DLG2: variants seen among roughly 807,000 people sequenced by gnomAD.
DLG2 encodes the protein discs large MAGUK scaffold protein 2.
A neutral mutation model predicts 132.5 loss-of-function variants in DLG2; 45 were observed. That is an observed-to-expected ratio of 0.34 (90% CI 0.27 to 0.44). DLG2 has a LOEUF of 0.44. DLG2 is among the 20% of genes least tolerant of loss of function. The pLI is 1.00. For synonymous variants in DLG2, 424 were observed against 419.6 expected, an observed-to-expected ratio of 1.01 and a Z score of -0.13; for missense variants, 1,045 against 1,196.9, an observed-to-expected ratio of 0.87 and a Z score of 1.87.
chr11:83,647,363 G>A (rs1296199251), intron 18 of DLG2: 1 of 152,148 alleles, frequency 6.6e-6, no homozygotes, highest in African/African-American at 2.4e-5. Flanking sequence ...CATCGTCCAT[G>A]TCTGATGCCT....
At chr11:85,217,098 T>C (rs1344434112) in intron 4 of DLG2, among the ~76,000 whole-genome samples, 1 of 152,132 alleles carries the variant, frequency 6.6e-6, no homozygotes, top group Non-Finnish European at 1.5e-5. Context: ...AAAACAATAT[T>C]GTGATATTGG....
At chr11:85,338,217 C>G (rs1415993117) in intron 3 of DLG2, among the ~76,000 whole-genome samples, 1 of 151,832 alleles carries the variant, frequency 6.6e-6, no homozygotes, top group Non-Finnish European at 1.5e-5. Flanking sequence ...AAGGGAAATC[C>G]AAAAAGGAGT....
At chr11:84,179,827 G>A (rs982231152) in intron 8 of DLG2, among the ~76,000 whole-genome samples, 2 of 151,924 alleles carry the variant, frequency 1.3e-5, no homozygotes, top group African/African-American at 4.8e-5. Flanking sequence ...CTAAAATTGG[G>A]GATAAGGGGG....
intron 7 of DLG2, among the ~76,000 whole-genome samples, chr11:84,336,699 G>A (rs2098486219): frequency 6.6e-6 from 1 of 152,104 alleles, no homozygotes; most frequent in South Asian, 2.1e-4. Flanking sequence ...TGGCTCCCCG[G>A]GAGCCAAGTC....
chr11:84,276,747 C>T (rs10792750), intron 7 of DLG2, among the ~76,000 whole-genome samples: 98,867 of 152,010 alleles, frequency 0.65, 32,542 homozygotes, highest in Middle Eastern at 0.75. Context: ...CTAACGGTAC[C>T]TTTGTATGGT....
chr11:84,308,694 G>C (rs1375349344), intron 7 of DLG2, among the ~76,000 whole-genome samples: 1 of 152,150 alleles, frequency 6.6e-6, no homozygotes, highest in East Asian at 1.9e-4. Flanking sequence ...CGGGGAGGCA[G>C]CTAAGGCCCG....
chr11:83,859,163 C>A (rs532637440), intron 16 of DLG2, among the ~76,000 whole-genome samples: 46 of 152,124 alleles, frequency 3.0e-4, no homozygotes, highest in Non-Finnish European at 5.9e-4. Context: ...TGAACTAATA[C>A]AGTAAATTGG....
rs551168657 is a variant in DLG2 at position 85,414,722 on chromosome 11, G to A, written c.41-129357C>T. 5.3e-5 allele frequency among the ~76,000 whole-genome samples: 8 copies of A among 152,062 alleles called. No homozygotes were observed. The East Asian group carries it at 1.5e-3, about 29-fold the overall frequency. The stretch of plus-strand genomic sequence containing the variant: ...TGAAGTCCCCCACTATTACTGTGCT[G>A]ATGTCTGTCTCATTTCTTACATCTA... On this transcript the variant is annotated intron_variant, in intron 3 of 27. Coordinates refer to ENST00000376104, the MANE Select transcript of DLG2 (RefSeq NM_001142699.3).
chr11:84,595,951 A>C (rs1193586556), intron 6 of DLG2, among the ~76,000 whole-genome samples: 1 of 152,176 alleles, frequency 6.6e-6, no homozygotes, highest in African/African-American at 2.4e-5. Context: ...CAACCTAATA[A>C]AAATATTGCA....
At chr11:85,112,340 T>C (rs1181400383) in intron 5 of DLG2, among the ~76,000 whole-genome samples, 3 of 152,102 alleles carry the variant, frequency 2.0e-5, no homozygotes, top group Non-Finnish European at 2.9e-5. Flanking sequence ...AAAAGAAATT[T>C]ATCTCTAGTT....
At chr11:85,568,090 G>A (rs1315966058) in intron 3 of DLG2, among the ~76,000 whole-genome samples, 1 of 149,466 alleles carries the variant, frequency 6.7e-6, no homozygotes, top group East Asian at 2.0e-4. Context: ...TCTTGGCTCA[G>A]TGAAACCTCT....
chr11:85,332,349 T>C (rs1441106429), intron 3 of DLG2, among the ~76,000 whole-genome samples: 2 of 152,204 alleles, frequency 1.3e-5, no homozygotes, highest in African/African-American at 4.8e-5. Flanking sequence ...AAGTTGTTTA[T>C]AGATCCTGGC....
intron 3 of DLG2, among the ~76,000 whole-genome samples, chr11:85,386,822 A>G (rs1435535979): frequency 6.6e-6 from 1 of 151,680 alleles, no homozygotes; most frequent in Admixed American, 6.6e-5. Context: ...ACAGGAAAGA[A>G]AGAGAGAAAG....
intron 3 of DLG2, among the ~76,000 whole-genome samples, chr11:85,341,223 A>G (rs2082476264): frequency 6.6e-6 from 1 of 152,060 alleles, no homozygotes; most frequent in South Asian, 2.1e-4. Flanking sequence ...AGTTCATGCC[A>G]TTCTCCTGCC....
At chr11:84,571,364 T>C (rs2099484178) in intron 6 of DLG2, among the ~76,000 whole-genome samples, 1 of 152,002 alleles carries the variant, frequency 6.6e-6, no homozygotes, top group Non-Finnish European at 1.5e-5. Flanking sequence ...CATCTTTGCC[T>C]CTTCTTCCTC....
Position 83,789,636 on chromosome 11 carries a change from C to T in DLG2, c.1723-2844G>A, listed in dbSNP as rs1371682304. Among the ~76,000 whole-genome samples, 4 of 152,098 alleles carry T rather than the reference C, an allele frequency of 2.6e-5. No individual in the cohort carries two copies. The South Asian group carries it at 8.3e-4, about 32-fold the overall frequency. ...GATCTCAGCTCACTGCAGCCTCCGC[C>T]TCCTGGGTTCAAGCAATTCTCCTGC... On this transcript the variant is annotated intron_variant, in intron 17 of 27. Transcript: ENST00000376104.
At chr11:84,357,215 A>T (rs142707825) in intron 7 of DLG2, among the ~76,000 whole-genome samples, 1 of 152,186 alleles carries the variant, frequency 6.6e-6, no homozygotes, top group East Asian at 1.9e-4. Flanking sequence ...CTACAGAGGG[A>T]TAGAAGACAT....
chr11:84,204,566 C>A (rs182703672), intron 8 of DLG2, among the ~76,000 whole-genome samples: 1 of 151,932 alleles, frequency 6.6e-6, no homozygotes, highest in African/African-American at 2.4e-5. Flanking sequence ...AGATAAATTA[C>A]TAATGGTGGA....
At chr11:84,294,560 T>G (rs1284423116) in intron 7 of DLG2, among the ~76,000 whole-genome samples, 1 of 152,234 alleles carries the variant, frequency 6.6e-6, no homozygotes, top group African/African-American at 2.4e-5. Flanking sequence ...ATCGCGGCAC[T>G]GCATTCCAGC....
Sources: allele counts gnomAD v4.1 joint callset (sites outside exome capture counted in the v4.1 genomes callset), GRCh38; gene constraint gnomAD v4.1.1; transcripts MANE v1.5; gene names NCBI Gene and HGNC (gene_info 2026-07-23, HGNC 2026-07-21).